EML5: variants seen among roughly 807,000 people sequenced by gnomAD.
EML5 encodes EMAP like 5.
In EML5, 120 loss-of-function variants were observed where a neutral mutation model predicts 250.0. The observed-to-expected ratio is 0.48, with a 90% CI of 0.41 to 0.56. The LOEUF is 0.56. EML5 is among the 20% of genes least tolerant of loss of function. EML5 has a pLI of 0.00. For synonymous variants in EML5, 771 were observed against 806.5 expected (o/e 0.96, Z 0.75); for missense variants, 2,006 against 2,437.6 (o/e 0.82, Z 3.73).
In EML5 at chr14:88,792,713, G is replaced by C; in HGVS notation, c.-210C>G. On this transcript the variant is annotated 5_prime_UTR_variant, in exon 1 of 44. Transcript: ENST00000554922. The surrounding 1 kb of genome is among the most constrained non-coding windows in gnomAD (Gnocchi z 6.9). ...AAACCCTCGCCTCGCGGAACATGCT[G>C]AGGGCCGCGAGCGCCGCCGGCTGTC... is the stretch of plus-strand genomic sequence containing the variant. 1.8e-6 allele frequency: 2 copies of C among 1,103,708 alleles called. No homozygotes were observed. The highest frequency in any genetic ancestry group is 8.9e-5 in the South Asian group (2 of 22,466). 68.4% of individuals were successfully genotyped at this position (1,103,708 alleles called of 1,614,324 possible).
At chr14:88,773,883 C>T (rs1049391971) in intron 1 of EML5, among the ~76,000 whole-genome samples, 1 of 152,064 alleles carries the variant, frequency 6.6e-6, no homozygotes, top group African/African-American at 2.4e-5. Flanking sequence ...TTTTGGGAGG[C>T]CAAGGCAGGC....
Position 88,616,774 on chromosome 14 carries a change from A to G in EML5, c.5748T>C (p.Asp1916=). 1.9e-6 allele frequency: 3 copies of G among 1,613,970 alleles called. No homozygotes were observed. The highest frequency in any genetic ancestry group is 2.5e-6 in the Non-Finnish European group (3 of 1,179,856). ...SHSGISLVTG[D]DFGMVKLFDF... The stretch of plus-strand genomic sequence containing the variant: ...CAAATAACTTAACCATGCCAAAGTC[A>G]TCTCCTGTAACAAGACTGATTCCTG... Residue 1916 remains aspartate, a synonymous_variant, in exon 42 of 44, where the codon GAT becomes GAC. Transcript: ENST00000554922.
Position 88,627,736 on chromosome 14 carries a change from A to AG in EML5, c.4440_4441insC (p.Cys1481LeufsTer77). ...CCAGTAGCACTGAAGCTGACTGAAC[A>AG]TACTCCCTTTGAATGGTAGCATCTT... On this transcript the variant is annotated frameshift_variant, in exon 34 of 44. Transcript: ENST00000554922. LOFTEE classifies it high-confidence loss of function. 6.2e-7 allele frequency: 1 copy of AG among 1,613,228 alleles called. No individual in the cohort carries two copies. The highest frequency in any genetic ancestry group is 8.5e-7 in the Non-Finnish European group (1 of 1,179,574).
At chr14:88,708,290 C>T (rs962921081) in intron 10 of EML5, among the ~76,000 whole-genome samples, 7 of 151,892 alleles carry the variant, frequency 4.6e-5, no homozygotes, top group African/African-American at 7.3e-5. Context: ...TTTGACTCAC[C>T]AAGACCAAGT....
rs1053220834 is a variant in EML5, at chr14:88,616,824, C to T, written c.5698G>A (p.Val1900Ile). ...IWSRHAEKAD[V>I]NCACVSHSGI... ...GAATGAGATACACAGGCACAGTTGA[C>T]ATCAGCTTTCTCAGCATGTCTGGAC... is the stretch of plus-strand genomic sequence containing the variant. The change falls in exon 42 of 44, where the codon GTC (valine) becomes ATC (isoleucine). Residue 1900 changes from valine to isoleucine, a missense_variant. This residue lies in a region of EML5 where 405 missense variants were observed against 523.3 expected (regional missense o/e 0.77). Transcript: ENST00000554922. 14 of 1,613,816 alleles carry T rather than the reference C, an allele frequency of 8.7e-6. No homozygotes were observed. Among genetic ancestry groups the T allele is most frequent in the Non-Finnish European group, 1.2e-5 (14 of 1,179,866 alleles).
At chr14:88,744,323 T>C (rs2093972708) in intron 3 of EML5, among the ~76,000 whole-genome samples, 1 of 152,010 alleles carries the variant, frequency 6.6e-6, no homozygotes, top group African/African-American at 2.4e-5. Flanking sequence ...TGGAGTAAAA[T>C]TTAACACCTC....
intron 32 of EML5, among the ~76,000 whole-genome samples, chr14:88,634,768 A>G (rs2140512353): frequency 6.6e-6 from 1 of 152,292 alleles, no homozygotes; most frequent in African/African-American, 2.4e-5. Context: ...TGATACTGAT[A>G]TGATTTAAAA....
intron 1 of EML5, among the ~76,000 whole-genome samples, chr14:88,765,550 G>T (rs1215768122): frequency 6.6e-6 from 1 of 152,040 alleles, no homozygotes. Flanking sequence ...GCTTTTAAGG[G>T]CTCACATAAT....
In EML5 at chr14:88,792,291, C is replaced by T. The variant is rs1467267068; in HGVS notation, c.197+16G>A. 6 of 1,545,892 alleles carry T rather than the reference C, an allele frequency of 3.9e-6. No homozygotes were observed. The highest frequency in any genetic ancestry group is 5.2e-6 in the Non-Finnish European group (6 of 1,147,104). On this transcript the variant is annotated intron_variant, in intron 1 of 43. Coordinates refer to ENST00000554922, the MANE Select transcript of EML5 (RefSeq NM_183387.3). The surrounding 1 kb of genome is among the most constrained non-coding windows in gnomAD (Gnocchi z 6.9). ...CGGCTTGCAGGGTGACGGCGGCGGC[C>T]CCCGCTCCCCGGTACCTGATGATGT...
At chr14:88,741,298 A>G (rs1459845728) in intron 4 of EML5, among the ~76,000 whole-genome samples, 4 of 152,320 alleles carry the variant, frequency 2.6e-5, no homozygotes, top group Non-Finnish European at 5.9e-5. Flanking sequence ...AAGGATAGGA[A>G]AAAAAGAGTA....
At chr14:88,790,352 C>A (rs1167507626) in intron 1 of EML5, among the ~76,000 whole-genome samples, 1 of 152,124 alleles carries the variant, frequency 6.6e-6, no homozygotes, top group Non-Finnish European at 1.5e-5. Context: ...ATGAGAAATT[C>A]GAGTATGTTT....
intron 43 of EML5, 55 bp from the exon 44 acceptor site, chr14:88,615,909 A>G: frequency 6.4e-7 from 1 of 1,562,040 alleles, no homozygotes; most frequent in Non-Finnish European, 8.7e-7. Flanking sequence ...GATTTTCATA[A>G]CAGTTTAATA....
intron 1 of EML5, among the ~76,000 whole-genome samples, chr14:88,767,384 C>T (rs577470016): frequency 3.3e-5 from 5 of 152,298 alleles, no homozygotes; most frequent in African/African-American, 9.6e-5. Context: ...TCTTGAGCTC[C>T]GTACCCCCTA....
At chr14:88,699,914 A>G (rs1291732758) in intron 14 of EML5, among the ~76,000 whole-genome samples, 1 of 152,186 alleles carries the variant, frequency 6.6e-6, no homozygotes, top group African/African-American at 2.4e-5. Context: ...GTTGCCCACA[A>G]GACATCTAAA....
chr14:88,740,815 T>C (rs1288313909), intron 4 of EML5, among the ~76,000 whole-genome samples: 1 of 152,204 alleles, frequency 6.6e-6, no homozygotes. Context: ...TTGAATCAGA[T>C]TATTTTTAAA....
Position 88,616,126 on chromosome 14 carries a change from TGAGA to T in EML5, c.5897+12_5897+15del, listed in dbSNP as rs1450481504. On this transcript the variant is annotated intron_variant, in intron 43 of 43. Coordinates refer to ENST00000554922, the MANE Select transcript of EML5 (RefSeq NM_183387.3). ...GTAACATAGTCTGCTCTTCATGGGC[TGAGA>T]AAGTTACTAACCTGCAGTCATCACC... 1.9e-6 allele frequency: 3 copies of T among 1,612,046 alleles called. No individual in the cohort carries two copies. Among genetic ancestry groups the T allele is most frequent in the Non-Finnish European group, 2.5e-6 (3 of 1,178,116 alleles).
At chr14:88,740,769 C>T (rs1180289184) in intron 4 of EML5, among the ~76,000 whole-genome samples, 197 bp from the exon 5 acceptor site, 1 of 152,164 alleles carries the variant, frequency 6.6e-6, no homozygotes, top group Non-Finnish European at 1.5e-5. Flanking sequence ...GCTATATAGT[C>T]ACTGGTTTCA....
At chr14:88,734,906 C>T (rs1025112986) in intron 7 of EML5, among the ~76,000 whole-genome samples, 7 of 152,104 alleles carry the variant, frequency 4.6e-5, no homozygotes, top group South Asian at 4.2e-4. Flanking sequence ...TATCAGCAAA[C>T]GCAATATATG....
At chr14:88,719,428 A>G (rs183077306) in intron 8 of EML5, among the ~76,000 whole-genome samples, 2 of 152,234 alleles carry the variant, frequency 1.3e-5, no homozygotes, top group East Asian at 3.9e-4. Flanking sequence ...TACAACTATT[A>G]ATAGTCTATC....
Sources: gnomAD v4.1 joint callset for allele counts (sites outside exome capture counted in the v4.1 genomes callset) on GRCh38, gnomAD v4.1.1 for gene constraint, gnomAD v4.1.1 regional missense constraint, Gnocchi (gnomAD v3.1) non-coding constraint, MANE v1.5 for transcripts, NCBI Gene and HGNC (gene_info 2026-07-23, HGNC 2026-07-21) for gene names.